Variants in DLC1 observed in about 807,000 individuals in gnomAD.
DLC1 encodes the protein rho GTPase-activating protein 7.
Under a neutral mutation model 140.3 loss-of-function variants are expected in DLC1, and 54 were observed. That is an observed-to-expected ratio of 0.38 (90% CI 0.31 to 0.48). DLC1 has a LOEUF of 0.48. Ranked by LOEUF, DLC1 falls within the 20% of genes least tolerant of loss-of-function variation. The pLI is 0.96. For synonymous variants in DLC1, 986 were observed against 728.1 expected, an observed-to-expected ratio of 1.35 and a Z score of -5.70; for missense variants, 2,536 against 1,907.0, an observed-to-expected ratio of 1.33 and a Z score of -6.14.
intron 1 of DLC1, among the ~76,000 whole-genome samples, chr8:13,576,395 C>A (rs566135198): frequency 4.6e-5 from 7 of 152,214 alleles, no homozygotes; most frequent in Admixed American, 3.3e-4. Context: ...TGAGAGGACA[C>A]AATTCCAGAA....
intron 10 of DLC1, 127 bp from the exon 11 acceptor site, chr8:13,095,372 T>A: frequency 8.4e-7 from 1 of 1,190,060 alleles, no homozygotes; most frequent in Non-Finnish European, 1.2e-6. Context: ...TACTTAAATT[T>A]AAATTAAACA....
At chr8:13,498,787 C>T in intron 2 of DLC1, 1 of 346,118 alleles carries the variant, frequency 2.9e-6, no homozygotes, top group Non-Finnish European at 5.1e-6. Context: ...GAAAGGGATA[C>T]CAATCCTGTT....
chr8:13,334,272 G>A (rs534810734), intron 4 of DLC1, among the ~76,000 whole-genome samples: 2 of 152,204 alleles, frequency 1.3e-5, no homozygotes, highest in East Asian at 1.9e-4. Flanking sequence ...AGCTTGGTGT[G>A]CTCAAAGGAC....
chr8:13,184,869 C>G (rs1826255132), intron 5 of DLC1, among the ~76,000 whole-genome samples: 1 of 152,150 alleles, frequency 6.6e-6, no homozygotes, highest in Non-Finnish European at 1.5e-5. Context: ...CCTTCTGACT[C>G]ACTGATTTGT....
chr8:13,342,035 T>G (rs1834081153), intron 4 of DLC1: 1 of 152,216 alleles, frequency 6.6e-6, no homozygotes, highest in South Asian at 2.1e-4. Flanking sequence ...GAGGATACAT[T>G]TGGCCAGTGT....
chr8:13,091,173 T>C (rs1291871162), intron 14 of DLC1, 145 bp downstream of exon 14: 16 of 658,492 alleles, frequency 2.4e-5, no homozygotes, highest in Non-Finnish European at 1.0e-5. Context: ...TTATAATATA[T>C]GTAAATAAGA....
At chr8:13,094,326 T>C (rs1231071117) in intron 12 of DLC1, among the ~76,000 whole-genome samples, 1 of 152,198 alleles carries the variant, frequency 6.6e-6, no homozygotes, top group Admixed American at 6.5e-5. Context: ...AAGAAGGTGA[T>C]GACATGGGTT....
intron 1 of DLC1, chr8:13,567,131 C>T: frequency 3.9e-6 from 6 of 1,551,734 alleles, no homozygotes; most frequent in Non-Finnish European, 5.2e-6. Context: ...CGGCAGTCCT[C>T]GCCCCTGACC....
chr8:13,592,322 T>C (rs62493210), intron 1 of DLC1, among the ~76,000 whole-genome samples: 11,085 of 152,158 alleles, frequency 0.073, 637 homozygotes, highest in Admixed American at 0.18. Context: ...TGACATACCC[T>C]CTGTGTTATA....
At chr8:13,586,589 G>GCACACACA (rs3066494) in intron 1 of DLC1, among the ~76,000 whole-genome samples, 10,952 of 142,894 alleles carry the variant, frequency 0.077, 493 homozygotes, top group South Asian at 0.12. Context: ...AGATGCACAT[G>GCACACACA]CACACACACA....
At chr8:13,422,252 G>C (rs1472617381) in intron 2 of DLC1, among the ~76,000 whole-genome samples, 1 of 152,046 alleles carries the variant, frequency 6.6e-6, no homozygotes, top group Non-Finnish European at 1.5e-5. Context: ...CAAAAGATGA[G>C]GTTTAAGACA....
intron 4 of DLC1, among the ~76,000 whole-genome samples, chr8:13,337,338 G>T (rs185052830): frequency 6.6e-6 from 1 of 152,054 alleles, no homozygotes. Flanking sequence ...TTATCTGTCC[G>T]ATTTCAGAAT....
At chr8:13,141,585 T>C (rs943693366) in intron 5 of DLC1, among the ~76,000 whole-genome samples, 9 of 152,138 alleles carry the variant, frequency 5.9e-5, no homozygotes, top group African/African-American at 2.2e-4. Flanking sequence ...GGTGGATTGG[T>C]CCTAAAATAA....
In DLC1 at chr8:13,453,538, ACATATATATATATATATATT is replaced by A. The variant is rs1563360847; in HGVS notation, c.1023+45491_1023+45510del. Among the ~76,000 whole-genome samples, 209 of 46,962 alleles carry A rather than the reference ACATATATATATATATATATT, an allele frequency of 4.5e-3. 2 individuals carry two copies. The highest frequency in any genetic ancestry group is 5.7e-3 in the Non-Finnish European group (159 of 27,836). The allele number at this position is 46,962 out of a possible 152,430, so 30.8% of individuals were successfully genotyped here. On this transcript the variant is annotated intron_variant, in intron 2 of 17. Transcript: ENST00000276297. The stretch of plus-strand genomic sequence containing the variant: ...TACATATATATATATGTATATATAT[ACATATATATATATATATATT>A]TTTTTTTTTTTTTTTTCAGATAGAA...
Position 13,175,614 on chromosome 8 carries a change from T to C in DLC1, c.1349-59957A>G, listed in dbSNP as rs568192868. ...AAAAGTTGCAAAAGTAGTACACCAA[T>C]CACTCAACTTCTCTCAATGTGCACT... On this transcript the variant is annotated intron_variant, in intron 5 of 17. Coordinates refer to ENST00000276297, the MANE Select transcript of DLC1 (RefSeq NM_182643.3). 2.0e-5 allele frequency among the ~76,000 whole-genome samples: 3 copies of C among 152,278 alleles called. No homozygotes were observed. The East Asian group carries it at 5.8e-4, about 29-fold the overall frequency.
At chr8:13,390,212 T>A (rs1260518631) in intron 4 of DLC1, among the ~76,000 whole-genome samples, 1 of 151,976 alleles carries the variant, frequency 6.6e-6, no homozygotes, top group African/African-American at 2.4e-5. Context: ...CAAGAAAAAA[T>A]AACATGCCCA....
intron 4 of DLC1, among the ~76,000 whole-genome samples, chr8:13,369,768 C>T (rs1133991): frequency 1.3e-5 from 2 of 152,004 alleles, no homozygotes; most frequent in Non-Finnish European, 2.9e-5. Flanking sequence ...CTCCTGGATC[C>T]CCCTTCTTGT....
chr8:13,172,286 G>C (rs1416511807), intron 5 of DLC1, among the ~76,000 whole-genome samples: 1 of 152,150 alleles, frequency 6.6e-6, no homozygotes, highest in Admixed American at 6.5e-5. Flanking sequence ...GGTGTGGCCA[G>C]CTGGAGCCTC....
At chr8:13,120,356 A>AAAAAAAAAAAAAAAATAT in intron 5 of DLC1, among the ~76,000 whole-genome samples, 1 of 61,124 alleles carries the variant, frequency 1.6e-5, no homozygotes, top group African/African-American at 4.2e-5. Flanking sequence ...AAAAAAAAAA[A>AAAAAAAAAAAAAAAATAT]ATATATATAT....
Sources: allele counts gnomAD v4.1 joint callset (sites outside exome capture counted in the v4.1 genomes callset), GRCh38; gene constraint gnomAD v4.1.1; transcripts MANE v1.5; gene names NCBI Gene and HGNC (gene_info 2026-07-23, HGNC 2026-07-21).